The following SETDB1 variants were observed in gnomAD, a reference collection of about 807,000 sequenced individuals.
SETDB1 encodes the protein SET domain bifurcated histone lysine methyltransferase 1, also known as histone-lysine N-methyltransferase SETDB1.
In SETDB1, 31 loss-of-function variants were observed where a neutral mutation model predicts 137.4. The ratio of observed to expected loss-of-function variants is 0.23; its 90% CI spans 0.17 to 0.30. SETDB1 has a LOEUF of 0.30. Ranked by LOEUF, SETDB1 falls within the 10% of genes least tolerant of loss-of-function variation. The pLI is 1.00. For synonymous variants in SETDB1, 548 were observed against 579.9 expected (o/e 0.95, Z 0.79); for missense variants, 1,113 against 1,631.5 (o/e 0.68, Z 5.47).
Position 150,951,488 on chromosome 1 carries a change from G to A in SETDB1, c.2333+7G>A, listed in dbSNP as rs587738053. 95 of 1,462,014 alleles carry A rather than the reference G, an allele frequency of 6.5e-5. No homozygotes were observed. The East Asian group carries it at 1.2e-3, about 18-fold the overall frequency. 90.6% of individuals were successfully genotyped at this position (1,462,014 alleles called of 1,614,324 possible). ...AAGAGTGTCTACCCACAGGGTAAGTGGTCAAGGAATGGCACAGTACCTCAG... is the reference window on the plus strand; with the variant it reads ...AAGAGTGTCTACCCACAGGGTAAGTAGTCAAGGAATGGCACAGTACCTCAG... On this transcript the variant is annotated splice_region_variant and intron_variant, in intron 14 of 21. Transcript: ENST00000692827.
At chr1:150,942,749 G>C in intron 6 of SETDB1, 61 bp downstream of exon 6, 5 of 1,599,180 alleles carry the variant, frequency 3.1e-6, no homozygotes, top group Non-Finnish European at 4.3e-6. Context: ...ACTGCTGATT[G>C]TTTCTTTTCC....
chr1:150,931,283 G>C (rs1243587177), intron 3 of SETDB1, among the ~76,000 whole-genome samples: 1 of 76,384 alleles, frequency 1.3e-5, no homozygotes, highest in African/African-American at 4.4e-5. Flanking sequence ...AAAAAAAAAG[G>C]GTTTCCAGAA....
Position 150,952,161 on chromosome 1 carries a change from A to G in SETDB1, c.2333+680A>G, listed in dbSNP as rs1035068725. The stretch of plus-strand genomic sequence containing the variant: ...GAGACTCTGCCTTAAAAAAAAAAAA[A>G]GAAAAGTTAGAATCAAATTCATGGT... On this transcript the variant is annotated intron_variant, in intron 14 of 21. Transcript: ENST00000692827. Among the ~76,000 whole-genome samples the G allele has an allele frequency of 4.6e-5, 7 of 151,992 alleles. 1 individual carries two copies. In the South Asian group the frequency reaches 1.5e-3, roughly 32 times the overall value.
chr1:150,946,847 T>G (rs991814403), intron 9 of SETDB1, 39 bp from the exon 10 acceptor site: 3 of 1,612,438 alleles, frequency 1.9e-6, no homozygotes, highest in Non-Finnish European at 2.5e-6. Flanking sequence ...TTCTAGCCTT[T>G]AAGCTATTTC....
At chr1:150,948,270 ATTTTTT>A (rs376302541) in intron 10 of SETDB1, among the ~76,000 whole-genome samples, 1 of 135,888 alleles carries the variant, frequency 7.4e-6, no homozygotes, top group Non-Finnish European at 1.6e-5. Flanking sequence ...CAGAGTAGCA[ATTTTTT>A]TTTTTTTTTT....
Position 150,949,383 on chromosome 1 carries a change from C to T in SETDB1, c.1441C>T (p.Leu481Phe). Residue 481 changes from leucine to phenylalanine, a missense_variant, in exon 12 of 22, where the codon CTT becomes TTT. Around this residue, in one of 11 missense-constraint regions of SETDB1, gnomAD observed 192 missense variants for 198.1 expected, o/e 0.97. Coordinates refer to ENST00000692827, the MANE Select transcript of SETDB1 (RefSeq NM_001366418.1). ...ATCTCCTAGAAGCTTGGAAAGCCAG[C>T]TTGCCCAGTCACGGAAGCAGGTAGC... ...AGDSESLESQ[L>F]AQSRKQVAKK... is the part of the protein sequence containing the mutation. 1.9e-6 allele frequency: 3 copies of T among 1,614,226 alleles called. No homozygotes were observed. The highest frequency in any genetic ancestry group is 2.5e-6 in the Non-Finnish European group (3 of 1,180,032).
intron 3 of SETDB1, among the ~76,000 whole-genome samples, chr1:150,932,162 G>T (rs11204745): frequency 1.3e-5 from 2 of 151,616 alleles, no homozygotes; most frequent in African/African-American, 4.8e-5. Context: ...GAGTTGGGCA[G>T]ATTGCTTGAG....
intron 7 of SETDB1, 93 bp from the exon 8 acceptor site, chr1:150,943,827 C>T (rs1189758368): frequency 3.9e-6 from 3 of 778,618 alleles, no homozygotes; most frequent in Non-Finnish European, 6.8e-6. Flanking sequence ...GTGTTGTGAT[C>T]CAGAGAAGTA....
At position 150,963,627 on chromosome 1, in the gene SETDB1, G is replaced by A. The variant is rs866385223; in HGVS notation, c.3558G>A (p.Val1186=). ...IAIKSTNMAS[V]DKGESAPVRK... is the part of the protein sequence containing the mutation. Reference sequence around the variant, plus strand: ...TTAAATCAACCAACATGGCCTCTGTGGACAAGGGGGAGAGCGCACCTGTTC... The same window carrying A: ...TTAAATCAACCAACATGGCCTCTGTAGACAAGGGGGAGAGCGCACCTGTTC... The change falls in exon 20 of 22, where the codon GTG becomes GTA. Residue 1186 remains valine (V), a synonymous_variant. Coordinates refer to ENST00000692827, the MANE Select transcript of SETDB1 (RefSeq NM_001366418.1). The A allele has an allele frequency of 2.5e-6, 4 of 1,614,156 alleles. No individual in the cohort carries two copies. In the African/African-American group the frequency reaches 5.3e-5, roughly 22 times the overall value.
intron 2 of SETDB1, among the ~76,000 whole-genome samples, chr1:150,929,359 TTTTTATTTTATTTTTA>T (rs1392775753): frequency 2.7e-5 from 4 of 150,366 alleles, no homozygotes; most frequent in Non-Finnish European, 4.4e-5. Context: ...AATGAGCATT[TTTTTATTTTATTTTTA>T]TTTTATTTTA....
At position 150,964,419 on chromosome 1, in the gene SETDB1, C is replaced by T; in HGVS notation, c.*55C>T. ...ACTGTCGTTTCCTCAGGAACTGGGT[C>T]TTCCTGATTGTTGAACCCTGACCCG... is the stretch of plus-strand genomic sequence containing the variant. On this transcript the variant is annotated 3_prime_UTR_variant, in exon 22 of 22. Coordinates refer to ENST00000692827, the MANE Select transcript of SETDB1 (RefSeq NM_001366418.1). The T allele has an allele frequency of 7.7e-7, 1 of 1,305,664 alleles. No homozygotes were observed. The highest frequency in any genetic ancestry group is 1.1e-6 in the Non-Finnish European group (1 of 908,670). The allele number at this position is 1,305,664 out of a possible 1,614,324, so 80.9% of individuals were successfully genotyped here. A position where few individuals can be genotyped will look rare whatever the true frequency, so the allele number is the denominator to read the frequency against.
chr1:150,960,445 C>T (rs1670783909), intron 15 of SETDB1, 118 bp from the exon 16 acceptor site: 1 of 908,816 alleles, frequency 1.1e-6, no homozygotes, highest in South Asian at 1.7e-5. Context: ...CCACTGCACT[C>T]CAGCCTGGGT....
rs143657216 is a variant in SETDB1 at position 150,962,556 on chromosome 1, C to T, written c.3162-31C>T. On this transcript the variant is annotated intron_variant, in intron 17 of 21. Coordinates refer to ENST00000692827, the MANE Select transcript of SETDB1 (RefSeq NM_001366418.1). ...AGAAGCCTAAGAAACAGCCAGTAAC[C>T]TGTTGGCTTCATTCCTTCCCCTCCC... 2.7e-5 allele frequency: 43 copies of T among 1,611,742 alleles called. No homozygotes were observed. The East Asian group carries it at 9.1e-4, about 34-fold the overall frequency.
Position 150,949,173 on chromosome 1 carries a change from G to A in SETDB1, c.1319G>A (p.Gly440Asp). ...PVVQYTQDLT[G>D]TGTQFKPVEP... ...GTCCAGTACACACAGGATCTGACCG[G>A]TACTGGAACCCAGTTCAAGCCAGTG... The change falls in exon 11 of 22, where the codon GGT (glycine) becomes GAT (aspartate). Residue 440 changes from glycine to aspartate, a missense_variant. Around this residue, in one of 11 missense-constraint regions of SETDB1, gnomAD observed 192 missense variants for 198.1 expected, o/e 0.97. Coordinates refer to ENST00000692827, the MANE Select transcript of SETDB1 (RefSeq NM_001366418.1). 1 of 1,614,020 alleles carries A rather than the reference G, an allele frequency of 6.2e-7. No individual in the cohort carries two copies. Among genetic ancestry groups the A allele is most frequent in the Middle Eastern group, 1.6e-4 (1 of 6,062 alleles).
At chr1:150,934,825 T>A (rs189103288) in intron 3 of SETDB1, among the ~76,000 whole-genome samples, 2 of 145,430 alleles carry the variant, frequency 1.4e-5, no homozygotes, top group Non-Finnish European at 1.5e-5. Flanking sequence ...GATATAGAAT[T>A]TTTTTTTTTT....
At chr1:150,960,422 A>G in intron 15 of SETDB1, 141 bp from the exon 16 acceptor site, 1 of 675,358 alleles carries the variant, frequency 1.5e-6, no homozygotes, top group Non-Finnish European at 2.5e-6. Context: ...GGTTGCAGTG[A>G]GCCGAGATCG....
rs755646375 is a variant in SETDB1 at position 150,942,666 on chromosome 1, C to A, written c.651C>A (p.Thr217=). 1.9e-6 allele frequency: 3 copies of A among 1,613,224 alleles called. No homozygotes were observed. The highest frequency in any genetic ancestry group is 2.5e-6 in the Non-Finnish European group (3 of 1,179,750). The change falls in exon 6 of 22, where the codon ACC becomes ACA. Residue 217 remains threonine, a synonymous_variant. Coordinates refer to ENST00000692827, the MANE Select transcript of SETDB1 (RefSeq NM_001366418.1). ...GAACTAAGACTTGGCACAAAGGCACCCTTATTGCCATCCAGACAGTTGGTA... is the reference window on the plus strand; with the variant it reads ...GAACTAAGACTTGGCACAAAGGCACACTTATTGCCATCCAGACAGTTGGTA... ...KKRTKTWHKG[T]LIAIQTVGPG...
chr1:150,949,072 A>C, intron 10 of SETDB1, 50 bp from the exon 11 acceptor site: 1 of 1,543,326 alleles, frequency 6.5e-7, no homozygotes, highest in East Asian at 2.3e-5. Context: ...GACTGAATAC[A>C]AGCGTCATAG....
At chr1:150,928,730 A>G (rs1217699951) in intron 2 of SETDB1, among the ~76,000 whole-genome samples, 1 of 152,248 alleles carries the variant, frequency 6.6e-6, no homozygotes, top group African/African-American at 2.4e-5. Flanking sequence ...ATCTCCTAAT[A>G]CTATCCCTCC....
Sources: gnomAD v4.1 joint callset for allele counts (sites outside exome capture counted in the v4.1 genomes callset) on GRCh38, gnomAD v4.1.1 for gene constraint, gnomAD v4.1.1 regional missense constraint, MANE v1.5 for transcripts, NCBI Gene and HGNC (gene_info 2026-07-23, HGNC 2026-07-21) for gene names.